The following RYR2 variants were observed in gnomAD, a reference collection of about 807,000 sequenced individuals.
The protein encoded by RYR2 is cardiac muscle ryanodine receptor-calcium release channel.
In RYR2, 227 loss-of-function variants were observed where a neutral mutation model predicts 601.1. That is an observed-to-expected ratio of 0.38 (90% CI 0.34 to 0.42). The LOEUF (loss-of-function observed/expected upper bound fraction) is 0.42, where lower values mean the gene tolerates loss of function less well. Ranked by LOEUF, RYR2 falls within the 10% of genes least tolerant of loss-of-function variation. RYR2 has a pLI of 1.00. For synonymous variants in RYR2, 2,223 were observed against 2,175.1 expected, an observed-to-expected ratio of 1.02 and a Z score of -0.61; for missense variants, 4,646 against 6,156.5, an observed-to-expected ratio of 0.75 and a Z score of 8.21.
At chr1:237,398,175 C>T (rs1158341306) in intron 10 of RYR2, among the ~76,000 whole-genome samples, 1 of 152,106 alleles carries the variant, frequency 6.6e-6, no homozygotes, top group African/African-American at 2.4e-5. Flanking sequence ...GGCCAGAACT[C>T]AGTTTTTCAG....
intron 1 of RYR2, among the ~76,000 whole-genome samples, chr1:237,211,126 C>T (rs761490004): frequency 6.6e-6 from 1 of 152,142 alleles, no homozygotes; most frequent in Non-Finnish European, 1.5e-5. Flanking sequence ...GTGACACGGA[C>T]GCGGATGCAT....
intron 16 of RYR2, among the ~76,000 whole-genome samples, chr1:237,463,288 C>T (rs921866095): frequency 2.0e-5 from 3 of 152,018 alleles, no homozygotes; most frequent in Non-Finnish European, 4.4e-5. Context: ...CCTCCAGCAC[C>T]TAGAACAATG....
At chr1:237,541,212 C>T (rs772623770) in intron 25 of RYR2, among the ~76,000 whole-genome samples, 5 of 152,062 alleles carry the variant, frequency 3.3e-5, no homozygotes, top group East Asian at 1.9e-4. Flanking sequence ...ACCAATGTGC[C>T]GTGTTCTTCA....
chr1:237,074,763 G>C (rs980652045), intron 1 of RYR2, among the ~76,000 whole-genome samples: 1 of 152,136 alleles, frequency 6.6e-6, no homozygotes, highest in African/African-American at 2.4e-5. Context: ...GACTGGGGGA[G>C]GGCAGTCCAT....
intron 35 of RYR2, among the ~76,000 whole-genome samples, chr1:237,604,853 C>T (rs567006320): frequency 6.6e-6 from 1 of 151,862 alleles, no homozygotes; most frequent in African/African-American, 2.4e-5. Flanking sequence ...ACACATACAC[C>T]CTCCCAAGAC....
intron 2 of RYR2, among the ~76,000 whole-genome samples, chr1:237,313,166 TA>T: frequency 6.7e-6 from 1 of 149,998 alleles, no homozygotes; most frequent in East Asian, 1.9e-4. Context: ...CAGATATAGT[TA>T]AAATAATTTT....
intron 17 of RYR2, among the ~76,000 whole-genome samples, chr1:237,475,034 T>G (rs1661246990): frequency 6.6e-6 from 1 of 152,242 alleles, no homozygotes; most frequent in Admixed American, 6.5e-5. Flanking sequence ...CAGATCACAT[T>G]TAATAAACGT....
chr1:237,704,534 A>G (rs1221413446), intron 66 of RYR2, among the ~76,000 whole-genome samples: 1 of 152,038 alleles, frequency 6.6e-6, no homozygotes, highest in Non-Finnish European at 1.5e-5. Flanking sequence ...AAAATATTTT[A>G]ATATCTGGTT....
chr1:237,720,314 A>G (rs1187248003), intron 73 of RYR2, among the ~76,000 whole-genome samples: 1 of 152,194 alleles, frequency 6.6e-6, no homozygotes, highest in Non-Finnish European at 1.5e-5. Flanking sequence ...GTCTCTTTCC[A>G]AAGATCCAAA....
intron 48 of RYR2, among the ~76,000 whole-genome samples, chr1:237,646,340 C>T (rs562212558): frequency 6.6e-6 from 1 of 150,750 alleles, no homozygotes; most frequent in African/African-American, 2.4e-5. Flanking sequence ...GACTCTGTCT[C>T]AAAAAAAAAT....
At chr1:237,126,828 A>C (rs1184802245) in intron 1 of RYR2, among the ~76,000 whole-genome samples, 1 of 151,302 alleles carries the variant, frequency 6.6e-6, no homozygotes, top group Non-Finnish European at 1.5e-5. Context: ...GGTGTTTCTC[A>C]CAGAGGGGGA....
intron 44 of RYR2, 147 bp downstream of exon 44, chr1:237,635,139 C>A: frequency 5.4e-6 from 3 of 554,974 alleles, no homozygotes; most frequent in South Asian, 3.2e-5. Context: ...AATTTTGCAC[C>A]AACACAATAT....
chr1:237,085,201 G>T (rs1026334859), intron 1 of RYR2, among the ~76,000 whole-genome samples: 1 of 152,122 alleles, frequency 6.6e-6, no homozygotes, highest in African/African-American at 2.4e-5. Context: ...GATCTCCAGG[G>T]ATATTAGGGT....
chr1:237,807,936 C>A (rs1398454497), intron 99 of RYR2, among the ~76,000 whole-genome samples: 1 of 152,174 alleles, frequency 6.6e-6, no homozygotes. Context: ...AATACATTTT[C>A]ACCAACTGGG....
intron 101 of RYR2, among the ~76,000 whole-genome samples, chr1:237,825,011 G>A (rs1341627097): frequency 2.6e-5 from 4 of 152,134 alleles, no homozygotes; most frequent in Non-Finnish European, 1.5e-5. Flanking sequence ...GAGGAAATAA[G>A]AGAGAACACA....
At chr1:237,092,449 T>C (rs990135541) in intron 1 of RYR2, among the ~76,000 whole-genome samples, 5 of 152,130 alleles carry the variant, frequency 3.3e-5, no homozygotes, top group Non-Finnish European at 5.9e-5. Flanking sequence ...TTTGAAACCA[T>C]GTTATTTTAA....
chr1:237,614,236 A>G lies in RYR2; in HGVS notation c.5108A>G (p.Tyr1703Cys), dbSNP rs2148594389. The change falls in exon 37 of 105, where the codon TAT becomes TGT. Residue 1703 changes from tyrosine to cysteine, a missense_variant. Around this residue, in one of 17 missense-constraint regions of RYR2, gnomAD observed 1,807 missense variants for 2,088.1 expected, o/e 0.87. Transcript: ENST00000366574. The surrounding 1 kb of genome is among the most constrained non-coding windows in gnomAD (Gnocchi z 4.3). ...YMPGLLRAGY[Y>C]DLLIDIHLSS... ...CCTGGTTTGCTGCGTGCTGGCTACT[A>G]TGACCTGCTGATTGACATCCACCTG... 3.7e-6 allele frequency: 6 copies of G among 1,614,020 alleles called. No individual in the cohort carries two copies. The highest frequency in any genetic ancestry group is 2.7e-5 in the African/African-American group (2 of 75,068).
intron 6 of RYR2, among the ~76,000 whole-genome samples, chr1:237,371,191 T>A (rs1243949253): frequency 6.6e-6 from 1 of 152,142 alleles, no homozygotes; most frequent in Non-Finnish European, 1.5e-5. Flanking sequence ...AGGGTCTTGC[T>A]GTCACCCAGG....
intron 11 of RYR2, 57 bp downstream of exon 11, chr1:237,417,180 T>A: frequency 7.3e-7 from 1 of 1,368,236 alleles, no homozygotes; most frequent in Non-Finnish European, 1.0e-6. Flanking sequence ...TAGCTCAGCG[T>A]TGTGCTTCTG....
Sources: allele counts gnomAD v4.1 joint callset (sites outside exome capture counted in the v4.1 genomes callset), GRCh38; gene constraint gnomAD v4.1.1; regional missense constraint gnomAD v4.1.1; non-coding constraint Gnocchi (gnomAD v3.1); transcripts MANE v1.5; gene names NCBI Gene and HGNC (gene_info 2026-07-23, HGNC 2026-07-21).